The following PPP4R3A variants were observed in gnomAD, a reference collection of about 807,000 sequenced individuals.
PPP4R3A encodes the protein serine/threonine-protein phosphatase 4 regulatory subunit 3A.
PPP4R3A carries 15 observed loss-of-function variants against 91.7 expected under a neutral mutation model. The observed-to-expected ratio is 0.16, with a 90% CI of 0.11 to 0.25. The LOEUF is 0.25. PPP4R3A is among the 10% of genes least tolerant of loss of function. PPP4R3A has a pLI of 1.00. For synonymous variants in PPP4R3A, 377 were observed against 348.7 expected (o/e 1.08, Z -0.91); for missense variants, 623 against 998.4 (o/e 0.62, Z 5.07).
chr14:91,462,908 T>C lies in PPP4R3A; in HGVS notation c.1831-31A>G, dbSNP rs375877108. On this transcript the variant is annotated intron_variant, in intron 11 of 14. Coordinates refer to ENST00000554943, the MANE Select transcript of PPP4R3A (RefSeq NM_001366432.2). ...GAAAAGAATAGTAATGAAAAAATGA[T>C]AGGAAAATGTCATTTTAGCAAGATG... 32 of 1,534,938 alleles carry C rather than the reference T, an allele frequency of 2.1e-5. No individual in the cohort carries two copies. In the African/African-American group the frequency reaches 4.2e-4, roughly 20 times the overall value.
In PPP4R3A at chr14:91,509,586, T is replaced by C; in HGVS notation, c.62A>G (p.Asp21Gly). 1 of 1,602,978 alleles carries C rather than the reference T, an allele frequency of 6.2e-7. No individual in the cohort carries two copies. Among genetic ancestry groups the C allele is most frequent in the Non-Finnish European group, 8.5e-7 (1 of 1,179,080 alleles). Reference protein sequence around the residue: ...YTLNEDRQWDDRGTGHVSSGY... With the variant: ...YTLNEDRQWDGRGTGHVSSGY... ...AGACGACACATGCCCGGTGCCCCGG[T>C]CGTCCCACTGCCGGTCCTCGTTGAG... Residue 21 changes from aspartate to glycine, a missense_variant, in exon 1 of 15, where the codon GAC becomes GGC. Transcript: ENST00000554943.
intron 9 of PPP4R3A, among the ~76,000 whole-genome samples, chr14:91,472,458 G>GTTTTTTT (rs76707705): frequency 4.5e-5 from 6 of 133,156 alleles, no homozygotes; most frequent in East Asian, 2.1e-4. Flanking sequence ...CAGGAAAATT[G>GTTTTTTT]TTTTTTTTTT....
intron 1 of PPP4R3A, among the ~76,000 whole-genome samples, chr14:91,500,263 C>T (rs1279897669): frequency 6.6e-6 from 1 of 152,052 alleles, no homozygotes. Flanking sequence ...TGCGGTGGCA[C>T]GATCTCGGCT....
intron 1 of PPP4R3A, among the ~76,000 whole-genome samples, chr14:91,492,839 T>A (rs77077218): frequency 6.6e-6 from 1 of 152,216 alleles, no homozygotes; most frequent in Non-Finnish European, 1.5e-5. Flanking sequence ...TCAAAACACA[T>A]TTTCCAGTGC....
intron 10 of PPP4R3A, among the ~76,000 whole-genome samples, chr14:91,466,880 A>G: frequency 6.6e-6 from 1 of 151,842 alleles, no homozygotes; most frequent in Non-Finnish European, 1.5e-5. Flanking sequence ...CAGGAGTATT[A>G]CTATTTTAAG....
chr14:91,508,541 G>A (rs1891554364), intron 1 of PPP4R3A, among the ~76,000 whole-genome samples: 1 of 152,174 alleles, frequency 6.6e-6, no homozygotes, highest in Non-Finnish European at 1.5e-5. Flanking sequence ...GTAACAATTT[G>A]AGAATAGTTT....
chr14:91,500,361 C>A (rs915373060), intron 1 of PPP4R3A, among the ~76,000 whole-genome samples: 1 of 152,104 alleles, frequency 6.6e-6, no homozygotes, highest in African/African-American at 2.4e-5. Flanking sequence ...CCACCACGCC[C>A]AGCTAATTTT....
At chr14:91,493,763 A>T (rs1890373604) in intron 1 of PPP4R3A, among the ~76,000 whole-genome samples, 1 of 137,884 alleles carries the variant, frequency 7.3e-6, no homozygotes, top group South Asian at 2.3e-4. Flanking sequence ...TACATTATGG[A>T]TCAATATTAC....
intron 3 of PPP4R3A, among the ~76,000 whole-genome samples, chr14:91,484,957 C>T (rs911824708): frequency 5.9e-5 from 9 of 151,916 alleles, no homozygotes; most frequent in East Asian, 1.9e-4. Context: ...TAAGAACATT[C>T]GAGCCTAGAG....
intron 3 of PPP4R3A, among the ~76,000 whole-genome samples, chr14:91,482,422 T>C (rs1049179922): frequency 1.3e-5 from 2 of 151,874 alleles, no homozygotes; most frequent in African/African-American, 4.8e-5. Flanking sequence ...AAGTATGAGG[T>C]CTGCTGGCAA....
At chr14:91,490,608 G>T (rs1200973131) in intron 2 of PPP4R3A, 139 bp downstream of exon 2, 3 of 639,390 alleles carry the variant, frequency 4.7e-6, no homozygotes, top group African/African-American at 1.9e-5. Context: ...TATAGGAATT[G>T]GCAGAAATCC....
At chr14:91,467,383 T>C (rs1888537737) in intron 10 of PPP4R3A, among the ~76,000 whole-genome samples, 1 of 152,218 alleles carries the variant, frequency 6.6e-6, no homozygotes, top group African/African-American at 2.4e-5. Context: ...CTGCTTCCAC[T>C]CACATCTCTA....
chr14:91,482,257 C>T (rs1017745553), intron 3 of PPP4R3A, 64 bp from the exon 4 acceptor site: 1 of 1,480,516 alleles, frequency 6.8e-7, no homozygotes, highest in Admixed American at 2.4e-5. Flanking sequence ...CTAAATGCTA[C>T]TCTAAGATGA....
chr14:91,475,575 CA>C, intron 7 of PPP4R3A: 1 of 366,220 alleles, frequency 2.7e-6, no homozygotes, highest in Admixed American at 4.5e-5. Flanking sequence ...TAAAACAAAA[CA>C]AAACAAAAAA....
At chr14:91,487,235 G>A (rs1379574288) in intron 2 of PPP4R3A, among the ~76,000 whole-genome samples, 2 of 121,352 alleles carry the variant, frequency 1.6e-5, no homozygotes, top group Admixed American at 9.5e-5. Context: ...GGGTGACAGA[G>A]TGAGAGTCCG....
At chr14:91,505,656 CAA>C (rs1891250372) in intron 1 of PPP4R3A, among the ~76,000 whole-genome samples, 2 of 152,116 alleles carry the variant, frequency 1.3e-5, no homozygotes, top group African/African-American at 2.4e-5. Flanking sequence ...ATCTGAAAAT[CAA>C]AAGTTTTTTT....
At position 91,509,890 on chromosome 14, in the gene PPP4R3A, G is replaced by C; in HGVS notation, c.-243C>G. 4.6e-6 allele frequency: 5 copies of C among 1,087,526 alleles called. No homozygotes were observed. The highest frequency in any genetic ancestry group is 5.6e-6 in the Non-Finnish European group (5 of 897,536). The allele number at this position is 1,087,526 out of a possible 1,614,324, so 67.4% of individuals were successfully genotyped here. A position where few individuals can be genotyped will look rare whatever the true frequency, so the allele number is the denominator to read the frequency against. On this transcript the variant is annotated 5_prime_UTR_variant, in exon 1 of 15. Transcript: ENST00000554943. ...GCTATTGTCCAGGCCTGGCGAGCCC[G>C]GCGCCCGGCAGCCCCGAGGGGGCCG...
At chr14:91,477,110 CT>C (rs66932962) in intron 4 of PPP4R3A, 124 bp from the exon 5 acceptor site, 27,972 of 423,510 alleles carry the variant, frequency 0.066, no homozygotes, top group Middle Eastern at 0.087. Flanking sequence ...GCAATGCTGT[CT>C]TTTTTTTTTT....
Position 91,462,125 on chromosome 14 carries a change from T to G in PPP4R3A, c.2088A>C (p.Val696=), listed in dbSNP as rs1888196574. 1.9e-6 allele frequency: 3 copies of G among 1,602,678 alleles called. No homozygotes were observed. Among genetic ancestry groups the G allele is most frequent in the Non-Finnish European group, 2.6e-6 (3 of 1,175,734 alleles). Residue 696 remains valine (V), a synonymous_variant, in exon 13 of 15, where the codon GTA becomes GTC. Transcript: ENST00000554943. ...TTTTAGTTTTGTCAGATGGAGACAC[T>G]ACAGCTTCTCCATCTTCCATGTCAT... ...DEDDMEDGEA[V]VSPSDKTKND... is the part of the protein sequence containing the mutation.
Sources: gnomAD v4.1 joint callset for allele counts (sites outside exome capture counted in the v4.1 genomes callset) on GRCh38, gnomAD v4.1.1 for gene constraint, MANE v1.5 for transcripts, NCBI Gene and HGNC (gene_info 2026-07-23, HGNC 2026-07-21) for gene names.